The following ITGA9 variants were observed in gnomAD, a reference collection of about 807,000 sequenced individuals.
ITGA9 encodes the protein integrin alpha-9.
In ITGA9, 56 loss-of-function variants were observed where a neutral mutation model predicts 127.8. The observed-to-expected ratio is 0.44, with a 90% CI of 0.35 to 0.55. The LOEUF (loss-of-function observed/expected upper bound fraction) is 0.55. ITGA9 is among the 20% of genes least tolerant of loss of function. ITGA9 has a pLI of 0.00. For synonymous variants in ITGA9, 508 were observed against 514.5 expected (o/e 0.99, Z 0.17); for missense variants, 1,196 against 1,347.1 (o/e 0.89, Z 1.76).
At chr3:37,769,104 C>T (rs1696812461) in intron 23 of ITGA9, among the ~76,000 whole-genome samples, 2 of 151,902 alleles carry the variant, frequency 1.3e-5, no homozygotes, top group South Asian at 2.1e-4. Context: ...TTTGGGAGGC[C>T]GAGGTGGACG....
chr3:37,768,635 A>G (rs59119136), intron 23 of ITGA9, among the ~76,000 whole-genome samples: 2,077 of 152,226 alleles, frequency 0.014, 49 homozygotes, highest in African/African-American at 0.046. Context: ...TATGATATGG[A>G]AAAGTGGCCC....
chr3:37,739,203 T>C, intron 20 of ITGA9, among the ~76,000 whole-genome samples: 1 of 152,226 alleles, frequency 6.6e-6, no homozygotes, highest in East Asian at 1.9e-4. Context: ...AAAATGACAG[T>C]AACCTACTAA....
chr3:37,586,266 C>G (rs1001636087), intron 15 of ITGA9, among the ~76,000 whole-genome samples: 1 of 152,218 alleles, frequency 6.6e-6, no homozygotes, highest in East Asian at 1.9e-4. Flanking sequence ...CCCAAGCAAA[C>G]AGCCTTTAGC....
chr3:37,724,164 G>A (rs1488610252), intron 18 of ITGA9, among the ~76,000 whole-genome samples: 1 of 152,052 alleles, frequency 6.6e-6, no homozygotes, highest in African/African-American at 2.4e-5. Context: ...ACTTCCCCTG[G>A]TGCTGTCTCT....
chr3:37,739,370 G>A (rs1696404212), intron 20 of ITGA9, among the ~76,000 whole-genome samples: 1 of 152,200 alleles, frequency 6.6e-6, no homozygotes, highest in Non-Finnish European at 1.5e-5. Context: ...TATTTCAGAT[G>A]CTCATTTCTT....
At chr3:37,513,092 C>T (rs1172662724) in intron 8 of ITGA9, among the ~76,000 whole-genome samples, 1 of 152,186 alleles carries the variant, frequency 6.6e-6, no homozygotes. Context: ...CCCCATGTAA[C>T]ATTTATTTTC....
intron 16 of ITGA9, among the ~76,000 whole-genome samples, chr3:37,647,030 G>A (rs1700384218): frequency 6.6e-6 from 1 of 152,070 alleles, no homozygotes; most frequent in Non-Finnish European, 1.5e-5. Context: ...TTTGCCCAAA[G>A]AGACTAATCC....
At chr3:37,758,349 A>AAAAAAAAAAC (rs1696681230) in intron 23 of ITGA9, among the ~76,000 whole-genome samples, 1 of 148,760 alleles carries the variant, frequency 6.7e-6, no homozygotes, top group South Asian at 2.1e-4. Flanking sequence ...AAAAAAAAAA[A>AAAAAAAAAAC]AAAATTGCAA....
intron 17 of ITGA9, among the ~76,000 whole-genome samples, chr3:37,677,965 T>C (rs1192917646): frequency 2.0e-5 from 3 of 152,226 alleles, no homozygotes; most frequent in Admixed American, 1.3e-4. Flanking sequence ...ATGATATTGC[T>C]CCTAGGAAGA....
At chr3:37,528,400 T>C (rs987248450) in intron 13 of ITGA9, among the ~76,000 whole-genome samples, 13 of 152,012 alleles carry the variant, frequency 8.6e-5, no homozygotes. Context: ...GGAGAGCACA[T>C]ATCAAGAGAA....
chr3:37,587,208 C>T (rs1333824780), intron 15 of ITGA9, among the ~76,000 whole-genome samples: 1 of 152,024 alleles, frequency 6.6e-6, no homozygotes, highest in Admixed American at 6.5e-5. Flanking sequence ...GTATGTATGC[C>T]CCAGGACAGA....
chr3:37,774,721 AAAAAAAC>A (rs574460816), intron 23 of ITGA9, among the ~76,000 whole-genome samples: 2,070 of 152,104 alleles, frequency 0.014, 14 homozygotes, highest in Middle Eastern at 0.041. Context: ...TGTCTCCAAA[AAAAAAAC>A]AAAAAACAAA....
At chr3:37,474,373 CAG>C (rs748265501) in intron 3 of ITGA9, among the ~76,000 whole-genome samples, 9 of 152,170 alleles carry the variant, frequency 5.9e-5, no homozygotes, top group African/African-American at 1.4e-4. Context: ...TATTGGAAAG[CAG>C]AGAGAGAGAA....
chr3:37,732,642 C>T (rs1431363287), intron 18 of ITGA9, 70 bp from the exon 19 acceptor site: 22 of 1,151,920 alleles, frequency 1.9e-5, no homozygotes, highest in Non-Finnish European at 2.6e-6. Context: ...ACTCGATTGC[C>T]CCGTGGAGCC....
rs1045686638 is a variant in ITGA9, at chr3:37,727,917, T to G, written c.2068-4795T>G. On this transcript the variant is annotated intron_variant, in intron 18 of 27. Transcript: ENST00000264741. ...ATTTATCAGTGGTTTTGCAGTGGTTTTATCCATTTTTCAACATCACTTTCA... is the reference window on the plus strand; with the variant it reads ...ATTTATCAGTGGTTTTGCAGTGGTTGTATCCATTTTTCAACATCACTTTCA... 6.3e-4 allele frequency among the ~76,000 whole-genome samples: 96 copies of G among 152,228 alleles called. 1 individual carries two copies. Among genetic ancestry groups the G allele is most frequent in the African/African-American group, 2.3e-3 (95 of 41,452 alleles).
chr3:37,640,229 T>C (rs1455037034), intron 16 of ITGA9, among the ~76,000 whole-genome samples: 1 of 152,156 alleles, frequency 6.6e-6, no homozygotes. Flanking sequence ...ATTTTCCAGG[T>C]GGGTCCAATC....
At chr3:37,643,517 T>TG (rs1180142764) in intron 16 of ITGA9, among the ~76,000 whole-genome samples, 2 of 152,152 alleles carry the variant, frequency 1.3e-5, no homozygotes. Context: ...TTGCAATTTG[T>TG]GGGGGGAAAA....
chr3:37,512,277 T>G (rs1227228137), intron 8 of ITGA9, among the ~76,000 whole-genome samples: 1 of 150,052 alleles, frequency 6.7e-6, no homozygotes, highest in East Asian at 1.9e-4. Flanking sequence ...TAGAGTGCAG[T>G]GGCATGATCT....
chr3:37,615,782 A>G (rs1350600571), intron 15 of ITGA9, among the ~76,000 whole-genome samples: 2 of 152,106 alleles, frequency 1.3e-5, no homozygotes, highest in African/African-American at 2.4e-5. Flanking sequence ...CTCTGATGGT[A>G]GTTTGTATTT....
Sources: allele counts gnomAD v4.1 joint callset (sites outside exome capture counted in the v4.1 genomes callset), GRCh38; gene constraint gnomAD v4.1.1; transcripts MANE v1.5; gene names NCBI Gene and HGNC (gene_info 2026-07-23, HGNC 2026-07-21).